Variants in RASEF observed in about 807,000 individuals in gnomAD.
The protein encoded by RASEF is RAS and EF-hand domain containing.
In RASEF, 68 loss-of-function variants were observed where a neutral mutation model predicts 90.1. The ratio of observed to expected loss-of-function variants is 0.75; its 90% CI spans 0.62 to 0.92. The LOEUF (loss-of-function observed/expected upper bound fraction) is 0.92. RASEF is among the 40% of genes least tolerant of loss of function. RASEF has a pLI of 0.00. For synonymous variants in RASEF, 331 were observed against 345.2 expected (o/e 0.96, Z 0.46); for missense variants, 949 against 937.2 (o/e 1.01, Z -0.16).
chr9:83,027,267 T>A (rs999239933), intron 1 of RASEF, among the ~76,000 whole-genome samples: 4 of 152,164 alleles, frequency 2.6e-5, no homozygotes, highest in African/African-American at 7.2e-5. Flanking sequence ...TGCACAGACA[T>A]GAGAGATTAC....
the RASEF span, among the ~76,000 whole-genome samples, chr9:83,120,410 C>T: frequency 6.6e-6 from 1 of 152,146 alleles, no homozygotes; most frequent in Non-Finnish European, 1.5e-5. Context: ...CATTCTATTT[C>T]CCTTCTTCCA....
chr9:83,192,852 G>A, the RASEF span, among the ~76,000 whole-genome samples: 4 of 151,568 alleles, frequency 2.6e-5, no homozygotes, highest in Non-Finnish European at 5.9e-5. Flanking sequence ...ACAGTGAAGA[G>A]AGCAATTTCA....
At chr9:82,997,348 C>T (rs1223003601) in intron 13 of RASEF, among the ~76,000 whole-genome samples, 1 of 152,212 alleles carries the variant, frequency 6.6e-6, no homozygotes, top group Non-Finnish European at 1.5e-5. Context: ...ATCCTTCTCT[C>T]TACCAAACAA....
intron 13 of RASEF, 95 bp from the exon 14 acceptor site, chr9:82,997,221 C>A (rs754400417): frequency 1.8e-5 from 14 of 776,380 alleles, no homozygotes; most frequent in Non-Finnish European, 3.2e-5. Flanking sequence ...AAAATCAACA[C>A]CAGTTGAGAA....
chr9:83,144,360 A>AAAGG, the RASEF span, among the ~76,000 whole-genome samples: 1 of 118,624 alleles, frequency 8.4e-6, no homozygotes, highest in African/African-American at 3.7e-5. Context: ...AGAAAGAAAG[A>AAAGG]AAGAAAGAAA....
chr9:83,149,304 TG>T, the RASEF span, among the ~76,000 whole-genome samples: 5 of 152,180 alleles, frequency 3.3e-5, no homozygotes, highest in Admixed American at 3.3e-4. Context: ...AGCAATCAAA[TG>T]GTCCCATGTT....
At chr9:83,130,121 C>T in the RASEF span, among the ~76,000 whole-genome samples, 1 of 152,220 alleles carries the variant, frequency 6.6e-6, no homozygotes, top group African/African-American at 2.4e-5. Context: ...TTCTTTAGAG[C>T]TCACATTCTT....
Position 82,990,447 on chromosome 9 carries a change from A to G in RASEF, c.2061T>C (p.Cys687=). 2 of 1,613,132 alleles carry G rather than the reference A, an allele frequency of 1.2e-6. No individual in the cohort carries two copies. Among genetic ancestry groups the G allele is most frequent in the South Asian group, 2.2e-5 (2 of 91,064 alleles). The change falls in exon 16 of 17, where the codon TGT becomes TGC. Residue 687 remains cysteine (C), a synonymous_variant. Coordinates refer to ENST00000376447, the MANE Select transcript of RASEF (RefSeq NM_152573.4). ...KLAMTYGALF[C]ETSAKDGSNI... ...TAGAACCATCTTTGGCACTTGTTTC[A>G]CAGAATAATGCCCCATACGTCTGTA...
rs530119182 is a variant in RASEF at position 83,056,604 on chromosome 9, G to A, written c.431+5833C>T. ...AATGAAAAAAGATTGGATAACCTGG[G>A]CAGAAAATAAGAAACAGATGAAGAT... On this transcript the variant is annotated intron_variant, in intron 1 of 16. Coordinates refer to ENST00000376447, the MANE Select transcript of RASEF (RefSeq NM_152573.4). Among the ~76,000 whole-genome samples the A allele has an allele frequency of 5.9e-5, 9 of 152,306 alleles. No individual in the cohort carries two copies. The East Asian group carries it at 1.7e-3, about 29-fold the overall frequency.
the RASEF span, among the ~76,000 whole-genome samples, chr9:83,207,191 A>T: frequency 6.6e-6 from 1 of 152,098 alleles, no homozygotes; most frequent in Non-Finnish European, 1.5e-5. Context: ...GCTCCAAGAG[A>T]GTCTATCACG....
upstream of RASEF, among the ~76,000 whole-genome samples, chr9:83,066,159 C>G (rs1021020947): frequency 2.0e-5 from 3 of 152,164 alleles, no homozygotes; most frequent in Non-Finnish European, 4.4e-5. Context: ...TATTGTCCCC[C>G]AAATAAGCCA....
chr9:83,207,850 C>T, the RASEF span, among the ~76,000 whole-genome samples: 2 of 152,142 alleles, frequency 1.3e-5, no homozygotes, highest in Non-Finnish European at 2.9e-5. Flanking sequence ...TCATGATCCA[C>T]CCGTCTCCGC....
At chr9:83,036,870 T>C (rs1028344982) in intron 1 of RASEF, among the ~76,000 whole-genome samples, 5 of 152,158 alleles carry the variant, frequency 3.3e-5, no homozygotes, top group Non-Finnish European at 7.4e-5. Flanking sequence ...GGGAACACTA[T>C]ACCATCTTCG....
the RASEF span, among the ~76,000 whole-genome samples, chr9:83,097,210 T>C: frequency 6.6e-6 from 1 of 152,238 alleles, no homozygotes; most frequent in African/African-American, 2.4e-5. Context: ...ATCGCCACAC[T>C]GTCTTCCACA....
At chr9:83,072,427 G>A in the RASEF span, among the ~76,000 whole-genome samples, 1 of 152,162 alleles carries the variant, frequency 6.6e-6, no homozygotes, top group Non-Finnish European at 1.5e-5. Context: ...TAGGACAGAT[G>A]TATATATGAA....
chr9:83,160,775 T>A, the RASEF span, among the ~76,000 whole-genome samples: 2 of 152,168 alleles, frequency 1.3e-5, no homozygotes, highest in Admixed American at 6.5e-5. Flanking sequence ...AATTGTTTCA[T>A]GAGCCAGGCC....
At chr9:83,015,388 A>G (rs1206223821) in intron 4 of RASEF, among the ~76,000 whole-genome samples, 1 of 152,200 alleles carries the variant, frequency 6.6e-6, no homozygotes, top group Non-Finnish European at 1.5e-5. Flanking sequence ...GGGCCCTTAA[A>G]AGGTCTTTCA....
chr9:83,159,725 T>C, the RASEF span, among the ~76,000 whole-genome samples: 1 of 152,250 alleles, frequency 6.6e-6, no homozygotes. Flanking sequence ...CAATTTATTA[T>C]ATGAGTTTTG....
the RASEF span, among the ~76,000 whole-genome samples, chr9:83,145,798 T>C: frequency 2.0e-5 from 3 of 152,146 alleles, no homozygotes; most frequent in African/African-American, 4.8e-5. Flanking sequence ...TAACATCTTA[T>C]GTGCTATTAA....
Sources: gnomAD v4.1 joint callset for allele counts (sites outside exome capture counted in the v4.1 genomes callset) on GRCh38, gnomAD v4.1.1 for gene constraint, MANE v1.5 for transcripts, NCBI Gene and HGNC (gene_info 2026-07-23, HGNC 2026-07-21) for gene names.